The following DSG1 variants were observed in gnomAD, a reference collection of about 807,000 sequenced individuals.
DSG1 encodes desmoglein-1.
A neutral mutation model predicts 97.5 loss-of-function variants in DSG1; 39 were observed. That is an observed-to-expected ratio of 0.40 (90% CI 0.31 to 0.52). The LOEUF (loss-of-function observed/expected upper bound fraction) is 0.52. Among genes scored for constraint, DSG1 ranks in the 20% least tolerant of loss-of-function variants. The pLI, the probability that DSG1 is intolerant of heterozygous loss-of-function variation, is 0.53. For synonymous variants in DSG1, 475 were observed against 443.4 expected, an observed-to-expected ratio of 1.07 and a Z score of -0.90; for missense variants, 1,311 against 1,295.4, an observed-to-expected ratio of 1.01 and a Z score of -0.18.
chr18:31,345,199 C>G (rs555864333), intron 13 of DSG1, among the ~76,000 whole-genome samples: 232 of 152,254 alleles, frequency 1.5e-3, no homozygotes, highest in African/African-American at 5.2e-3. Flanking sequence ...CCAAGGAAAA[C>G]TGAAGCATGA....
chr18:31,329,152 T>C (rs2071705044), intron 4 of DSG1, among the ~76,000 whole-genome samples: 1 of 152,158 alleles, frequency 6.6e-6, no homozygotes, highest in African/African-American at 2.4e-5. Flanking sequence ...GGTCCTATAA[T>C]TGCCACTTAC....
At chr18:31,340,376 G>T (rs1462356321) in intron 11 of DSG1, among the ~76,000 whole-genome samples, 2 of 151,716 alleles carry the variant, frequency 1.3e-5, no homozygotes, top group African/African-American at 2.4e-5. Flanking sequence ...AGAGGCCAAG[G>T]CTGGCAGATC....
rs2071964513 is a variant in DSG1 at position 31,356,962 on chromosome 18, G to T, written c.*1616G>T. The T allele has an allele frequency of 6.6e-6, 1 of 152,116 alleles. No individual in the cohort carries two copies. Among genetic ancestry groups the T allele is most frequent in the Admixed American group, 6.6e-5 (1 of 15,266 alleles). The allele number at this position is 152,116 out of a possible 1,614,324, so 9.4% of individuals were successfully genotyped here. A position where few individuals can be genotyped will look rare whatever the true frequency, so the allele number is the denominator to read the frequency against. On this transcript the variant is annotated 3_prime_UTR_variant, in exon 15 of 15. Transcript: ENST00000257192. ...AAATTTTTTCTTTCTTAAATACAATGTTACTATAAGCTCACTAAAATGAAA... is the reference window on the plus strand; with the variant it reads ...AAATTTTTTCTTTCTTAAATACAATTTTACTATAAGCTCACTAAAATGAAA...
At chr18:31,344,868 A>G (rs1006189364) in intron 13 of DSG1, among the ~76,000 whole-genome samples, 3 of 152,198 alleles carry the variant, frequency 2.0e-5, no homozygotes, top group Admixed American at 1.3e-4. Flanking sequence ...AGTCTTTTTA[A>G]ACAGTAACCA....
intron 3 of DSG1, 70 bp downstream of exon 3, chr18:31,327,075 A>T: frequency 1.3e-6 from 2 of 1,582,640 alleles, no homozygotes; most frequent in Non-Finnish European, 1.7e-6. Context: ...ACTGTCTGCT[A>T]AATATTTCAT....
At position 31,327,016 on chromosome 18, in the gene DSG1, A is replaced by G; in HGVS notation, c.216+11A>G. ...AACCCAATCGCCAAAGTAGGTATCA[A>G]CTCCAAAGCATAACATTGAAAATCA... On this transcript the variant is annotated intron_variant, in intron 3 of 14. Transcript: ENST00000257192. 9.3e-6 allele frequency: 15 copies of G among 1,613,684 alleles called. No homozygotes were observed. Among genetic ancestry groups the G allele is most frequent in the Non-Finnish European group, 1.3e-5 (15 of 1,179,718 alleles).
chr18:31,353,466 G>T (rs2071919733), intron 14 of DSG1, among the ~76,000 whole-genome samples: 1 of 152,058 alleles, frequency 6.6e-6, no homozygotes, highest in African/African-American at 2.4e-5. Context: ...TACAGAGGCA[G>T]GCAGGCCTCC....
chr18:31,326,944 T>G lies in DSG1; in HGVS notation c.155T>G (p.Ile52Ser). ...ATCCGAAGGCAGAAACGTGAATGGA[T>G]CAAGTTCGCAGCAGCCTGTCGTGAA... ...HSIRRQKREWIKFAAACREGE... is the reference protein window; with the variant it reads ...HSIRRQKREWSKFAAACREGE... Residue 52 changes from isoleucine to serine, a missense_variant, in exon 3 of 15, where the codon ATC (isoleucine) becomes AGC (serine). Ile to Ser is a moderately radical substitution (Grantham distance 142). Transcript: ENST00000257192. The G allele has an allele frequency of 6.2e-7, 1 of 1,613,848 alleles. No individual in the cohort carries two copies. The highest frequency in any genetic ancestry group is 8.5e-7 in the Non-Finnish European group (1 of 1,179,894).
chr18:31,348,475 T>C (rs1450881566), intron 14 of DSG1, among the ~76,000 whole-genome samples: 1 of 151,016 alleles, frequency 6.6e-6, no homozygotes, highest in East Asian at 1.9e-4. Flanking sequence ...CTCCTTTGGG[T>C]ATATACCCAG....
chr18:31,319,129 A>C (rs2071638198), intron 1 of DSG1, among the ~76,000 whole-genome samples: 2 of 152,168 alleles, frequency 1.3e-5, no homozygotes, highest in Admixed American at 1.3e-4. Context: ...CCTTACATGT[A>C]ATTAGTTTTC....
At chr18:31,338,855 A>G (rs9946887) in intron 10 of DSG1, among the ~76,000 whole-genome samples, 9,393 of 152,218 alleles carry the variant, frequency 0.062, 993 homozygotes, top group African/African-American at 0.21. Flanking sequence ...TTGATATCAT[A>G]TAGACTAGAT....
chr18:31,336,703 T>C, intron 9 of DSG1, 90 bp downstream of exon 9: 1 of 1,319,678 alleles, frequency 7.6e-7, no homozygotes, highest in South Asian at 1.3e-5. Flanking sequence ...TGAGTTAAAA[T>C]ACTTTTCATT....
At chr18:31,343,084 T>A (rs1284140221) in intron 11 of DSG1, among the ~76,000 whole-genome samples, 1 of 151,956 alleles carries the variant, frequency 6.6e-6, no homozygotes, top group Admixed American at 6.6e-5. Flanking sequence ...CTAATTTTTG[T>A]ATTTTTTGGT....
intron 12 of DSG1, 151 bp downstream of exon 12, chr18:31,343,734 C>A: frequency 1.6e-6 from 2 of 1,269,556 alleles, no homozygotes; most frequent in South Asian, 1.3e-5. Context: ...AGAAACACAA[C>A]AAAATTAGAT....
chr18:31,336,286 A>G (rs1347498251), intron 8 of DSG1, 68 bp from the exon 9 acceptor site: 3 of 1,445,790 alleles, frequency 2.1e-6, no homozygotes, highest in Non-Finnish European at 1.9e-6. Flanking sequence ...GCTATTATCA[A>G]AGGATTTTCT....
Position 31,345,973 on chromosome 18 carries a change from T to G in DSG1, c.1892-17T>G. 6.2e-7 allele frequency: 1 copy of G among 1,605,056 alleles called. No individual in the cohort carries two copies. Among genetic ancestry groups the G allele is most frequent in the Non-Finnish European group, 8.5e-7 (1 of 1,172,788 alleles). On this transcript the variant is annotated splice_polypyrimidine_tract_variant and intron_variant, in intron 13 of 14. Transcript: ENST00000257192. ...ATAGACTAAAGAAAATAAATTTAAT[T>G]TGATCAACACTTTTAGGAGTTTATA...
intron 7 of DSG1, 117 bp downstream of exon 7, chr18:31,333,840 A>C (rs1244918021): frequency 2.3e-6 from 3 of 1,325,782 alleles, no homozygotes; most frequent in Non-Finnish European, 3.2e-6. Flanking sequence ...CCAAATGTAG[A>C]CACATACTTT....
In DSG1 at chr18:31,357,581, A is replaced by G. The variant is rs892346906; in HGVS notation, c.*2235A>G. ...GAGATATTTTTTAGGTTGTCTTGCA[A>G]ACAACAAAATCACTGTCTTTAATAA... On this transcript the variant is annotated 3_prime_UTR_variant, in exon 15 of 15. Transcript: ENST00000257192. Among the ~76,000 whole-genome samples, 2 of 152,010 alleles carry G rather than the reference A, an allele frequency of 1.3e-5. No individual in the cohort carries two copies. The highest frequency in any genetic ancestry group is 4.8e-5 in the African/African-American group (2 of 41,430).
At chr18:31,340,079 G>A in intron 11 of DSG1, 54 bp downstream of exon 11, 2 of 1,531,350 alleles carry the variant, frequency 1.3e-6, no homozygotes, top group Non-Finnish European at 9.0e-7. Flanking sequence ...TGCTGGGGGA[G>A]GAGTTAAGTT....
Sources: gnomAD v4.1 joint callset for allele counts (sites outside exome capture counted in the v4.1 genomes callset) on GRCh38, gnomAD v4.1.1 for gene constraint, MANE v1.5 for transcripts, NCBI Gene and HGNC (gene_info 2026-07-23, HGNC 2026-07-21) for gene names.